Variants in NRXN3 observed in about 807,000 individuals in gnomAD.
The protein encoded by NRXN3 is neurexin 3.
In NRXN3, 32 loss-of-function variants were observed where a neutral mutation model predicts 137.6. That is an observed-to-expected ratio of 0.23 (90% CI 0.18 to 0.31). The LOEUF (loss-of-function observed/expected upper bound fraction) is 0.31. Ranked by LOEUF, NRXN3 falls within the 10% of genes least tolerant of loss-of-function variation. NRXN3 has a pLI of 1.00. For missense variants in NRXN3, 1,574 were observed against 2,062.5 expected, an observed-to-expected ratio of 0.76 and a Z score of 4.59; for synonymous variants, 798 against 784.5, an observed-to-expected ratio of 1.02 and a Z score of -0.29.
intron 8 of NRXN3, among the ~76,000 whole-genome samples, chr14:78,717,172 T>C (rs370169701): frequency 6.6e-6 from 1 of 152,156 alleles, no homozygotes; most frequent in Non-Finnish European, 1.5e-5. Flanking sequence ...GGCCTTGTGA[T>C]TGTCAGAGGC....
chr14:79,242,864 G>C (rs1250938028), intron 15 of NRXN3, among the ~76,000 whole-genome samples: 3 of 152,150 alleles, frequency 2.0e-5, no homozygotes, highest in Admixed American at 6.6e-5. Context: ...GCATAACAGT[G>C]GAGGCTGTTT....
At chr14:78,379,041 GAA>G (rs56244423) in intron 4 of NRXN3, among the ~76,000 whole-genome samples, 17 of 150,616 alleles carry the variant, frequency 1.1e-4, no homozygotes, top group African/African-American at 2.9e-4. Context: ...ATCACATTCT[GAA>G]AAAAAAAAAT....
At chr14:78,427,280 G>A (rs928594643) in intron 4 of NRXN3, among the ~76,000 whole-genome samples, 8 of 152,156 alleles carry the variant, frequency 5.3e-5, no homozygotes, top group Non-Finnish European at 7.3e-5. Context: ...TCCCTTGTGC[G>A]AGTTAAAAAT....
intron 15 of NRXN3, among the ~76,000 whole-genome samples, chr14:79,318,358 A>AAGGG (rs1212940223): frequency 6.6e-6 from 1 of 152,240 alleles, no homozygotes; most frequent in African/African-American, 2.4e-5. Context: ...GGAAGGAAGG[A>AAGGG]AGGGACAGTT....
chr14:78,847,832 A>C (rs2099031744), intron 10 of NRXN3, among the ~76,000 whole-genome samples: 2 of 152,090 alleles, frequency 1.3e-5, no homozygotes, highest in Admixed American at 1.3e-4. Flanking sequence ...TCAGATTTCT[A>C]TGAATAGGCA....
chr14:78,564,557 C>A (rs955334320), intron 4 of NRXN3, among the ~76,000 whole-genome samples: 1 of 152,210 alleles, frequency 6.6e-6, no homozygotes, highest in African/African-American at 2.4e-5. Context: ...TGATGGAACA[C>A]CCCGGCCTCC....
At chr14:79,570,332 G>A (rs919947784) in intron 16 of NRXN3, among the ~76,000 whole-genome samples, 1 of 152,172 alleles carries the variant, frequency 6.6e-6, no homozygotes, top group Non-Finnish European at 1.5e-5. Context: ...TCAGGGACCA[G>A]TAAACTCAAC....
intron 4 of NRXN3, among the ~76,000 whole-genome samples, chr14:78,338,272 C>T (rs2081715705): frequency 6.6e-6 from 1 of 152,138 alleles, no homozygotes; most frequent in Non-Finnish European, 1.5e-5. Flanking sequence ...ATGAAAAAAA[C>T]AAAATTCACT....
At chr14:79,195,125 C>T (rs1387759782) in intron 15 of NRXN3, among the ~76,000 whole-genome samples, 3 of 152,086 alleles carry the variant, frequency 2.0e-5, no homozygotes, top group Admixed American at 1.3e-4. Context: ...TCCTGTACCC[C>T]TGGCTTCCTC....
chr14:78,717,640 G>C (rs1297023570), intron 8 of NRXN3, among the ~76,000 whole-genome samples: 1 of 152,066 alleles, frequency 6.6e-6, no homozygotes, highest in South Asian at 2.1e-4. Context: ...TTCCTTAGTG[G>C]AGACTCTTTT....
At chr14:79,808,113 C>T (rs978063281) in intron 20 of NRXN3, among the ~76,000 whole-genome samples, 1 of 151,914 alleles carries the variant, frequency 6.6e-6, no homozygotes, top group East Asian at 1.9e-4. Context: ...TGGCAGGCGC[C>T]TGTAGTCCCA....
intron 4 of NRXN3, among the ~76,000 whole-genome samples, chr14:78,431,000 G>A (rs971021938): frequency 6.6e-6 from 1 of 152,044 alleles, no homozygotes; most frequent in Non-Finnish European, 1.5e-5. Flanking sequence ...CAACTCCCTT[G>A]TTTTCTAATT....
intron 16 of NRXN3, chr14:79,570,589 G>A (rs1299025704): frequency 6.6e-6 from 1 of 152,190 alleles, no homozygotes; most frequent in Non-Finnish European, 1.5e-5. Flanking sequence ...ACCCAGTCAG[G>A]TCAGGCCCTG....
chr14:78,999,920 G>A lies in NRXN3; in HGVS notation c.3262+11779G>A, dbSNP rs1279303481. On this transcript the variant is annotated intron_variant, in intron 15 of 20. Transcript: ENST00000335750. ...TCGAGTGAGATAGTAGAACTTTATC[G>A]TCAATCATCAAATCCCACAGTTTTA... Among the ~76,000 whole-genome samples, 4 of 152,212 alleles carry A rather than the reference G, an allele frequency of 2.6e-5. No individual in the cohort carries two copies. The East Asian group carries it at 7.7e-4, about 29-fold the overall frequency.
intron 15 of NRXN3, among the ~76,000 whole-genome samples, chr14:79,215,435 G>A (rs1193149624): frequency 6.6e-6 from 1 of 152,096 alleles, no homozygotes; most frequent in Non-Finnish European, 1.5e-5. Context: ...TTTTCACACT[G>A]CTGATACAAC....
At chr14:78,987,547 A>G (rs537187960) in intron 14 of NRXN3, among the ~76,000 whole-genome samples, 7 of 152,164 alleles carry the variant, frequency 4.6e-5, no homozygotes, top group African/African-American at 1.4e-4. Context: ...CCTTCTCTTC[A>G]TCATTATCAA....
intron 20 of NRXN3, among the ~76,000 whole-genome samples, chr14:79,818,254 C>T (rs1315768916): frequency 1.3e-5 from 2 of 151,968 alleles, no homozygotes; most frequent in African/African-American, 2.4e-5. Flanking sequence ...GGGGTTTCAC[C>T]GTGGTAGCCA....
intron 10 of NRXN3, among the ~76,000 whole-genome samples, chr14:78,894,071 C>T (rs538789813): frequency 6.6e-6 from 1 of 152,022 alleles, no homozygotes; most frequent in South Asian, 2.1e-4. Context: ...GACGGCTGCT[C>T]ACTGATCAGG....
chr14:78,957,193 C>T, intron 10 of NRXN3, 49 bp from the exon 11 acceptor site: 3 of 1,602,218 alleles, frequency 1.9e-6, no homozygotes, highest in Non-Finnish European at 2.6e-6. Flanking sequence ...GATGCATGAG[C>T]ACTACTTTCA....
Sources: gnomAD v4.1 joint callset for allele counts (sites outside exome capture counted in the v4.1 genomes callset) on GRCh38, gnomAD v4.1.1 for gene constraint, MANE v1.5 for transcripts, NCBI Gene and HGNC (gene_info 2026-07-23, HGNC 2026-07-21) for gene names.